Variants in SUPT3H observed in about 807,000 individuals in gnomAD.
SUPT3H encodes SPT3 homolog, SAGA and STAGA complex component.
Under a neutral mutation model 44.3 loss-of-function variants are expected in SUPT3H, and 44 were observed. That is an observed-to-expected ratio of 0.99 (90% confidence interval 0.78 to 1.28). The LOEUF (loss-of-function observed/expected upper bound fraction) is 1.28. Ranked by LOEUF, SUPT3H falls within the 50% of genes most tolerant of loss-of-function variation. The pLI, the probability that SUPT3H is intolerant of heterozygous loss-of-function variation, is 0.00. For synonymous variants in SUPT3H, 124 were observed against 125.6 expected, an observed-to-expected ratio of 0.99 and a Z score of 0.09; for missense variants, 380 against 387.1, an observed-to-expected ratio of 0.98 and a Z score of 0.15.
chr6:45,146,290 G>A (rs747789832), intron 2 of SUPT3H, among the ~76,000 whole-genome samples: 6 of 152,114 alleles, frequency 3.9e-5, no homozygotes, highest in Non-Finnish European at 7.4e-5. Flanking sequence ...TCAATGAGTG[G>A]ATAAAGAAAA....
At chr6:45,050,083 T>C (rs1390201755) in intron 3 of SUPT3H, among the ~76,000 whole-genome samples, 1 of 152,190 alleles carries the variant, frequency 6.6e-6, no homozygotes, top group East Asian at 1.9e-4. Flanking sequence ...ACTCCAAGTA[T>C]GGCAAGTCTA....
At chr6:44,961,937 G>C in intron 6 of SUPT3H, 109 bp from the exon 7 acceptor site, 1 of 746,580 alleles carries the variant, frequency 1.3e-6, no homozygotes, top group South Asian at 1.8e-5. Context: ...TATTCCAGGT[G>C]AACAGGGTAG....
chr6:45,081,042 T>TA (rs397728766), intron 3 of SUPT3H, among the ~76,000 whole-genome samples: 1 of 150,954 alleles, frequency 6.6e-6, no homozygotes, highest in Non-Finnish European at 1.5e-5. Context: ...CATATATATA[T>TA]GTACATATAT....
At chr6:45,068,937 T>C (rs4714838) in intron 3 of SUPT3H, among the ~76,000 whole-genome samples, 17,021 of 147,806 alleles carry the variant, frequency 0.12, 1,350 homozygotes, top group East Asian at 0.26. Context: ...TTAAACATTC[T>C]ATTAAAAAAC....
At chr6:45,308,414 G>A (rs4296887) in intron 2 of SUPT3H, among the ~76,000 whole-genome samples, 149,237 of 152,334 alleles carry the variant, frequency 0.98, 73,112 homozygotes, top group Middle Eastern at 1. Context: ...CAGAAACTAC[G>A]AGCCAGAAGA....
chr6:45,021,615 G>A (rs1785147876), intron 3 of SUPT3H, among the ~76,000 whole-genome samples: 1 of 151,918 alleles, frequency 6.6e-6, no homozygotes, highest in African/African-American at 2.4e-5. Context: ...GTTCCTGAAT[G>A]CATCCTTCTT....
intron 2 of SUPT3H, among the ~76,000 whole-genome samples, chr6:45,256,553 C>T (rs931452502): frequency 3.9e-5 from 6 of 152,142 alleles, no homozygotes; most frequent in African/African-American, 1.4e-4. Flanking sequence ...AGGACACAAA[C>T]ATCCTGACTA....
intron 2 of SUPT3H, among the ~76,000 whole-genome samples, chr6:45,265,501 G>A (rs917042717): frequency 6.6e-6 from 1 of 151,878 alleles, no homozygotes; most frequent in Non-Finnish European, 1.5e-5. Flanking sequence ...TCACTTCCTG[G>A]GATATACATC....
intron 3 of SUPT3H, among the ~76,000 whole-genome samples, chr6:45,049,861 A>G (rs960839772): frequency 2.0e-5 from 3 of 152,192 alleles, no homozygotes; most frequent in East Asian, 1.9e-4. Flanking sequence ...ATCAATTTGC[A>G]TAATAGTTAC....
intron 11 of SUPT3H, among the ~76,000 whole-genome samples, chr6:44,820,416 T>C (rs1767220393): frequency 1.3e-5 from 2 of 152,068 alleles, no homozygotes; most frequent in Non-Finnish European, 2.9e-5. Context: ...TTCAGAAGTC[T>C]TGGGAAAGTC....
At chr6:45,146,479 C>T (rs1806089208) in intron 2 of SUPT3H, among the ~76,000 whole-genome samples, 1 of 152,072 alleles carries the variant, frequency 6.6e-6, no homozygotes, top group African/African-American at 2.4e-5. Context: ...CTGGGTACAG[C>T]ATATGCTGCA....
chr6:45,126,981 T>A (rs1380350991), intron 2 of SUPT3H, among the ~76,000 whole-genome samples: 5 of 152,140 alleles, frequency 3.3e-5, no homozygotes, highest in African/African-American at 1.2e-4. Context: ...CTGACTTGAA[T>A]AATGCTGTTT....
chr6:44,910,773 C>G (rs1248000542), intron 10 of SUPT3H, among the ~76,000 whole-genome samples: 1 of 151,188 alleles, frequency 6.6e-6, no homozygotes, highest in Non-Finnish European at 1.5e-5. Flanking sequence ...GAGGGTGGAT[C>G]ACTCGAGGTC....
At chr6:45,108,867 T>C (rs774263230) in intron 2 of SUPT3H, among the ~76,000 whole-genome samples, 8 of 152,036 alleles carry the variant, frequency 5.3e-5, no homozygotes, top group Non-Finnish European at 7.4e-5. Context: ...ATAAAAGTAT[T>C]GGAAAAGAGA....
chr6:44,829,780 CTTTCCTGTTG>C lies in SUPT3H; in HGVS notation c.*26_*35del, dbSNP rs1210984535. 6.2e-7 allele frequency: 1 copy of C among 1,607,320 alleles called. No individual in the cohort carries two copies. The highest frequency in any genetic ancestry group is 2.2e-5 in the East Asian group (1 of 44,780). On this transcript the variant is annotated 3_prime_UTR_variant, in exon 11 of 11. Transcript: ENST00000371459. ...AGAAATCACCTTAATATAACATTGC[CTTTCCTGTTG>C]TTGCAGGCACATCACAGTTGTCACA... is the stretch of plus-strand genomic sequence containing the variant.
Position 44,940,814 on chromosome 6 carries a change from T to A in SUPT3H, c.802-8051A>T, listed in dbSNP as rs186341713. 7.1e-4 allele frequency among the ~76,000 whole-genome samples: 108 copies of A among 152,310 alleles called. 2 individuals are homozygous for A. The East Asian group carries it at 0.019, about 27-fold the overall frequency. ...AACTGATTCCTTTATTATTATGTAG[T>A]GACTTTCTTTGTCTTTTTTCCTGTT... On this transcript the variant is annotated intron_variant, in intron 9 of 10. Transcript: ENST00000371459.
intron 3 of SUPT3H, among the ~76,000 whole-genome samples, chr6:45,063,419 A>G (rs1336344274): frequency 6.6e-6 from 1 of 150,764 alleles, no homozygotes; most frequent in East Asian, 1.9e-4. Flanking sequence ...CCTCCAAAGG[A>G]ACGCAGCTCC....
chr6:45,305,209 G>C (rs763784973), intron 2 of SUPT3H, among the ~76,000 whole-genome samples: 3 of 152,126 alleles, frequency 2.0e-5, no homozygotes, highest in Non-Finnish European at 4.4e-5. Flanking sequence ...AAATCTAAAT[G>C]AATTGTTTCC....
At chr6:45,349,653 G>A (rs372261550) in intron 2 of SUPT3H, among the ~76,000 whole-genome samples, 1 of 152,126 alleles carries the variant, frequency 6.6e-6, no homozygotes, top group Non-Finnish European at 1.5e-5. Flanking sequence ...TAAGTCATAG[G>A]TTGTTTCACT....
Sources: allele counts gnomAD v4.1 joint callset (sites outside exome capture counted in the v4.1 genomes callset), GRCh38; gene constraint gnomAD v4.1.1; transcripts MANE v1.5; gene names NCBI Gene and HGNC (gene_info 2026-07-23, HGNC 2026-07-21).